Variants in GASK1B observed in about 807,000 individuals in gnomAD.
GASK1B encodes the protein Golgi-associated kinase 1B.
A neutral mutation model predicts 42.8 loss-of-function variants in GASK1B; 34 were observed. The observed-to-expected ratio is 0.79, with a 90% confidence interval of 0.60 to 1.06. The LOEUF (loss-of-function observed/expected upper bound fraction) is 1.06, where lower values mean the gene tolerates loss of function less well. GASK1B is among the 50% of genes least tolerant of loss of function. The pLI is 0.00. For missense variants in GASK1B, 686 were observed against 661.0 expected, an observed-to-expected ratio of 1.04 and a Z score of -0.42; for synonymous variants, 262 against 259.1, an observed-to-expected ratio of 1.01 and a Z score of -0.11.
chr4:158,170,506 C>A lies in GASK1B; in HGVS notation c.870G>T (p.Arg290Ser), dbSNP rs1405685320. ...CTTTCCTGCTCACAGACGGCAGGGTCCTGTTGAGCCCCAGGATCCTGTCTA... is the reference window on the plus strand; with the variant it reads ...CTTTCCTGCTCACAGACGGCAGGGTACTGTTGAGCCCCAGGATCCTGTCTA... ...FHLDRILGLNRTLPSVSRKAE... is the reference protein window; with the variant it reads ...FHLDRILGLNSTLPSVSRKAE... Residue 290 changes from arginine (R) to serine (S), a missense_variant, in exon 2 of 5, where the codon AGG becomes AGT. Coordinates refer to ENST00000585682, the MANE Select transcript of GASK1B (RefSeq NM_001128424.2). 1 of 1,614,136 alleles carries A rather than the reference C, an allele frequency of 6.2e-7. No individual in the cohort carries two copies. Among genetic ancestry groups the A allele is most frequent in the Non-Finnish European group, 8.5e-7 (1 of 1,180,058 alleles).
At position 158,171,088 on chromosome 4, in the gene GASK1B, C is replaced by A; in HGVS notation, c.288G>T (p.Gln96His). The change falls in exon 2 of 5, where the codon CAG (glutamine) becomes CAT (histidine). Residue 96 changes from glutamine (Q) to histidine (H), a missense_variant. Coordinates refer to ENST00000585682, the MANE Select transcript of GASK1B (RefSeq NM_001128424.2). ...TGGGCTGCAGAGTGGACCCATTGCC[C>A]TGGGACTCTGGAGGGGCCAGGGTAC... The part of the protein sequence containing the change: ...LDGTLAPPES[Q>H]GNGSTLQPNV... 1.9e-6 allele frequency: 3 copies of A among 1,610,052 alleles called. No individual in the cohort carries two copies. The highest frequency in any genetic ancestry group is 2.5e-6 in the Non-Finnish European group (3 of 1,176,818).
chr4:158,137,406 A>G (rs1008455454), intron 3 of GASK1B, among the ~76,000 whole-genome samples: 1 of 151,738 alleles, frequency 6.6e-6, no homozygotes, highest in African/African-American at 2.4e-5. Flanking sequence ...GGAAAAAGAC[A>G]GTGAGAATCG....
Position 158,170,556 on chromosome 4 carries a change from T to A in GASK1B, c.820A>T (p.Met274Leu). ...PCGLLKQPLD[M>L]SEVFAFHLDR... The stretch of plus-strand genomic sequence containing the variant: ...AGGTGGAAGGCAAACACCTCACTCA[T>A]GTCCAAGGGCTGCTTGAGAAGCCCA... The change falls in exon 2 of 5, where the codon ATG (methionine) becomes TTG (leucine). Residue 274 changes from methionine (M) to leucine (L), a missense_variant. Coordinates refer to ENST00000585682, the MANE Select transcript of GASK1B (RefSeq NM_001128424.2). The A allele has an allele frequency of 6.2e-7, 1 of 1,614,188 alleles. No homozygotes were observed. Among genetic ancestry groups the A allele is most frequent in the African/African-American group, 1.3e-5 (1 of 75,056 alleles).
At chr4:158,157,065 T>TC (rs1351530184) in intron 2 of GASK1B, among the ~76,000 whole-genome samples, 2 of 152,172 alleles carry the variant, frequency 1.3e-5, no homozygotes, top group East Asian at 3.9e-4. Flanking sequence ...CAGGAAACAG[T>TC]CCCCCTCTCA....
At chr4:158,132,295 C>T (rs891512574) in intron 3 of GASK1B, among the ~76,000 whole-genome samples, 2 of 152,160 alleles carry the variant, frequency 1.3e-5, no homozygotes, top group African/African-American at 4.8e-5. Context: ...TTCTCATCCT[C>T]CTGTGTTTCT....
intron 3 of GASK1B, among the ~76,000 whole-genome samples, chr4:158,144,413 T>C (rs1232789589): frequency 6.6e-6 from 1 of 152,226 alleles, no homozygotes; most frequent in Non-Finnish European, 1.5e-5. Context: ...TTGAATTTCA[T>C]TTATGACAAA....
At chr4:158,150,316 T>C (rs1392664075) in intron 3 of GASK1B, among the ~76,000 whole-genome samples, 1 of 151,720 alleles carries the variant, frequency 6.6e-6, no homozygotes, top group East Asian at 1.9e-4. Flanking sequence ...ATAATAAAGA[T>C]AATGTATCCA....
At chr4:158,138,709 A>G (rs1157103283) in intron 3 of GASK1B, among the ~76,000 whole-genome samples, 2 of 152,076 alleles carry the variant, frequency 1.3e-5, no homozygotes, top group African/African-American at 4.8e-5. Flanking sequence ...GACTATATTA[A>G]AACTCAGTTT....
At chr4:158,172,468 A>G (rs1257491535) in intron 1 of GASK1B, 1 of 152,204 alleles carries the variant, frequency 6.6e-6, no homozygotes, top group Non-Finnish European at 1.5e-5. Flanking sequence ...CAAACATTTC[A>G]GTTCAGCTTT....
intron 2 of GASK1B, among the ~76,000 whole-genome samples, chr4:158,164,972 A>T (rs1732169883): frequency 6.6e-6 from 1 of 152,220 alleles, no homozygotes; most frequent in Non-Finnish European, 1.5e-5. Context: ...ATGAATTTAA[A>T]TGGAAGTGTG....
intron 3 of GASK1B, among the ~76,000 whole-genome samples, chr4:158,145,682 C>G (rs1731303271): frequency 6.6e-6 from 1 of 152,124 alleles, no homozygotes; most frequent in Non-Finnish European, 1.5e-5. Context: ...CTATATTCTG[C>G]TGTGATTATC....
chr4:158,140,722 G>A (rs1405950691), intron 3 of GASK1B, among the ~76,000 whole-genome samples: 2 of 152,096 alleles, frequency 1.3e-5, no homozygotes, highest in Admixed American at 6.5e-5. Flanking sequence ...CCAGCAATAC[G>A]TTAAAAAATG....
chr4:158,159,914 C>G (rs1010247005), intron 2 of GASK1B, among the ~76,000 whole-genome samples: 1 of 152,026 alleles, frequency 6.6e-6, no homozygotes, highest in Non-Finnish European at 1.5e-5. Context: ...ACTGGCTGAG[C>G]GGTTTTGTGG....
chr4:158,136,224 G>T (rs1015321051), intron 3 of GASK1B, among the ~76,000 whole-genome samples: 1 of 152,056 alleles, frequency 6.6e-6, no homozygotes, highest in Non-Finnish European at 1.5e-5. Context: ...ATAGAAAGGT[G>T]AAGAAGGGTA....
intron 3 of GASK1B, among the ~76,000 whole-genome samples, chr4:158,145,308 T>C (rs1731289606): frequency 1.3e-5 from 2 of 152,170 alleles, no homozygotes; most frequent in Non-Finnish European, 2.9e-5. Flanking sequence ...AATAATTCTT[T>C]AGAAGTCAGG....
At position 158,124,893 on chromosome 4, in the gene GASK1B, T is replaced by C. The variant is rs974686612; in HGVS notation, c.*2514A>G. ...TTTTATTATAGATTTTTAAGATACA[T>C]ATTTATTTTTATATTATTAGCTTAA... On this transcript the variant is annotated 3_prime_UTR_variant, in exon 5 of 5. Coordinates refer to ENST00000585682, the MANE Select transcript of GASK1B (RefSeq NM_001128424.2). The C allele has an allele frequency of 5.9e-5, 9 of 152,152 alleles. No individual in the cohort carries two copies. The highest frequency in any genetic ancestry group is 1.7e-4 in the African/African-American group (7 of 41,466). The allele number at this position is 152,152 out of a possible 1,614,324, so 9.4% of individuals were successfully genotyped here. A position where few individuals can be genotyped will look rare whatever the true frequency, so the allele number is the denominator to read the frequency against.
At chr4:158,169,820 G>C (rs149950059) in intron 2 of GASK1B, 1 of 168,808 alleles carries the variant, frequency 5.9e-6, no homozygotes, top group African/African-American at 2.4e-5. Flanking sequence ...CACCCAAGAC[G>C]GGAGAATCTT....
chr4:158,134,165 C>T (rs975186406), intron 3 of GASK1B, among the ~76,000 whole-genome samples: 1 of 152,038 alleles, frequency 6.6e-6, no homozygotes, highest in African/African-American at 2.4e-5. Context: ...ACCACAAAAA[C>T]ATAATCTACA....
At chr4:158,137,145 T>G (rs971896028) in intron 3 of GASK1B, among the ~76,000 whole-genome samples, 3 of 152,302 alleles carry the variant, frequency 2.0e-5, no homozygotes, top group African/African-American at 7.2e-5. Context: ...GTTAGTTTCT[T>G]TATGTGGGTT....
Sources: gnomAD v4.1 joint callset for allele counts (sites outside exome capture counted in the v4.1 genomes callset) on GRCh38, gnomAD v4.1.1 for gene constraint, MANE v1.5 for transcripts, NCBI Gene and HGNC (gene_info 2026-07-23, HGNC 2026-07-21) for gene names.